TNS3: variants seen among roughly 807,000 people sequenced by gnomAD.
TNS3 encodes tensin 3, also known as tensin-3.
Under a neutral mutation model 140.9 loss-of-function variants are expected in TNS3, and 45 were observed. The ratio of observed to expected loss-of-function variants is 0.32; its 90% CI spans 0.25 to 0.41. TNS3 has a LOEUF of 0.41. Among genes scored for constraint, TNS3 ranks in the 10% least tolerant of loss-of-function variants. The pLI is 1.00. For synonymous variants in TNS3, 815 were observed against 788.4 expected, an observed-to-expected ratio of 1.03 and a Z score of -0.56; for missense variants, 1,716 against 1,906.7, an observed-to-expected ratio of 0.90 and a Z score of 1.86.
At chr7:47,280,265 A>T (rs1444342885) in intron 29 of TNS3, 21 bp downstream of exon 29, 4 of 1,614,066 alleles carry the variant, frequency 2.5e-6, no homozygotes, top group African/African-American at 2.7e-5. Context: ...TCCTTGCTCA[A>T]TAAAAATGCA....
chr7:47,320,762 T>C (rs565305373), intron 20 of TNS3, among the ~76,000 whole-genome samples: 2 of 152,272 alleles, frequency 1.3e-5, no homozygotes, highest in South Asian at 2.1e-4. Context: ...TCATTCAACA[T>C]AGGAATGTGC....
chr7:47,329,297 C>T (rs1788201422), intron 20 of TNS3, among the ~76,000 whole-genome samples: 1 of 152,222 alleles, frequency 6.6e-6, no homozygotes, highest in African/African-American at 2.4e-5. Flanking sequence ...TGTGTCACCC[C>T]TTCCCCTAGA....
At chr7:47,450,073 C>G (rs887383121) in intron 4 of TNS3, among the ~76,000 whole-genome samples, 1 of 152,198 alleles carries the variant, frequency 6.6e-6, no homozygotes. Flanking sequence ...AATAGCCACC[C>G]AGCACAGCAG....
chr7:47,372,549 G>C (rs750893816), intron 16 of TNS3, among the ~76,000 whole-genome samples: 1 of 152,128 alleles, frequency 6.6e-6, no homozygotes, highest in Non-Finnish European at 1.5e-5. Flanking sequence ...CCCTCTCCTG[G>C]GGGGAGGGTA....
intron 1 of TNS3, chr7:47,539,093 C>T (rs549546597): frequency 1.3e-4 from 58 of 456,674 alleles, no homozygotes; most frequent in Admixed American, 8.2e-4. Context: ...CCACAGGAAC[C>T]GGCCAAAGAA....
chr7:47,323,368 C>A (rs1787857950), intron 20 of TNS3, among the ~76,000 whole-genome samples: 1 of 152,092 alleles, frequency 6.6e-6, no homozygotes, highest in Admixed American at 6.5e-5. Flanking sequence ...CTATATCCTG[C>A]AGAAATACCA....
intron 20 of TNS3, 112 bp downstream of exon 20, chr7:47,344,643 T>C: frequency 9.0e-6 from 9 of 994,986 alleles, no homozygotes; most frequent in Non-Finnish European, 1.3e-5. Context: ...GCTTCTGAGA[T>C]ACGACACAAA....
chr7:47,321,484 G>A (rs530147717), intron 20 of TNS3, among the ~76,000 whole-genome samples: 2 of 152,258 alleles, frequency 1.3e-5, no homozygotes, highest in East Asian at 3.9e-4. Flanking sequence ...AGGGTGTGTC[G>A]GCATTTGGAG....
In TNS3 at chr7:47,407,144, G is replaced by A. The variant is rs986853037; in HGVS notation, c.723+4583C>T. Among the ~76,000 whole-genome samples the A allele has an allele frequency of 6.6e-6, 1 of 152,132 alleles. No individual in the cohort carries two copies. The highest frequency in any genetic ancestry group is 1.5e-5 in the Non-Finnish European group (1 of 68,024). On this transcript the variant is annotated intron_variant, in intron 13 of 30. Transcript: ENST00000311160. The surrounding 1 kb of genome is among the most constrained non-coding windows in gnomAD (Gnocchi z 4.1). ...AGGTCGTTTTCAGAGGGAGTCAACAGCACTGAGATTTCTGGGCTTTGGCAA... is the reference window on the plus strand; with the variant it reads ...AGGTCGTTTTCAGAGGGAGTCAACAACACTGAGATTTCTGGGCTTTGGCAA...
intron 17 of TNS3, among the ~76,000 whole-genome samples, chr7:47,367,753 C>A (rs983836101): frequency 6.6e-6 from 1 of 152,222 alleles, no homozygotes; most frequent in Non-Finnish European, 1.5e-5. Flanking sequence ...ACAGTAGAAC[C>A]CCTTGTGGAC....
At position 47,503,235 on chromosome 7, in the gene TNS3, T is replaced by C. The variant is rs1350495645; in HGVS notation, c.-115+3672A>G. Among the ~76,000 whole-genome samples, 6 of 152,106 alleles carry C rather than the reference T, an allele frequency of 3.9e-5. No homozygotes were observed. The East Asian group carries it at 9.6e-4, about 24-fold the overall frequency. On this transcript the variant is annotated intron_variant, in intron 3 of 30. Coordinates refer to ENST00000311160, the MANE Select transcript of TNS3 (RefSeq NM_022748.12). The stretch of plus-strand genomic sequence containing the variant: ...TCTAAGGAGCAAATGTGTCTGCAAG[T>C]GGGCAGAGGCGGAAGAGGCATCTCA...
At chr7:47,338,762 G>A (rs1005956022) in intron 20 of TNS3, among the ~76,000 whole-genome samples, 1 of 152,112 alleles carries the variant, frequency 6.6e-6, no homozygotes, top group Non-Finnish European at 1.5e-5. Context: ...CCTAGGTTGA[G>A]TCCAGGTCTT....
intron 1 of TNS3, among the ~76,000 whole-genome samples, chr7:47,551,759 G>A (rs1249534912): frequency 1.3e-5 from 2 of 152,230 alleles, no homozygotes; most frequent in African/African-American, 4.8e-5. Flanking sequence ...CTGTGCACAT[G>A]TGTGTTAGAT....
At chr7:47,389,111 GAAGAAGAAGAAGAAGAAGAAGAA>G (rs1792336361) in intron 16 of TNS3, among the ~76,000 whole-genome samples, 1 of 56,828 alleles carries the variant, frequency 1.8e-5, no homozygotes, top group African/African-American at 6.5e-5. Flanking sequence ...AGCGGAAGCA[GAAGAAGAAGAAGAAGAAGAAGAA>G]GAAGAAGAAG....
intron 7 of TNS3, among the ~76,000 whole-genome samples, chr7:47,435,615 T>C (rs1042723071): frequency 6.6e-6 from 1 of 152,198 alleles, no homozygotes; most frequent in African/African-American, 2.4e-5. Flanking sequence ...ATGCCTCTTC[T>C]TCCAGGGGCT....
At chr7:47,344,607 C>T (rs1414493594) in intron 20 of TNS3, 148 bp downstream of exon 20, 1 of 794,954 alleles carries the variant, frequency 1.3e-6, no homozygotes, top group Non-Finnish European at 2.0e-6. Context: ...CTACATCTTT[C>T]CCAGCAAGAT....
chr7:47,401,171 T>G (rs1399129232), intron 13 of TNS3, among the ~76,000 whole-genome samples: 1 of 152,176 alleles, frequency 6.6e-6, no homozygotes, highest in Non-Finnish European at 1.5e-5. Flanking sequence ...GTGCTGCTCC[T>G]GTGGAACCGC....
rs188110037 is a variant in TNS3, at chr7:47,546,220, G to A, written c.-264-17073C>T. ...TAAAGCGGATGATCAAATTGCAACCGACCTCAAAAGCTTCTAATGAGGCGC... is the reference window on the plus strand; with the variant it reads ...TAAAGCGGATGATCAAATTGCAACCAACCTCAAAAGCTTCTAATGAGGCGC... On this transcript the variant is annotated intron_variant, in intron 1 of 30. Transcript: ENST00000311160. Among the ~76,000 whole-genome samples, 23 of 152,302 alleles carry A rather than the reference G, an allele frequency of 1.5e-4. No individual in the cohort carries two copies. In the East Asian group the frequency reaches 2.9e-3, roughly 19 times the overall value.
chr7:47,335,554 G>A (rs1216836772), intron 20 of TNS3, among the ~76,000 whole-genome samples: 1 of 152,212 alleles, frequency 6.6e-6, no homozygotes, highest in East Asian at 1.9e-4. Flanking sequence ...GGAAAAGCAG[G>A]ATTCCCAGGG....
Sources: allele counts gnomAD v4.1 joint callset (sites outside exome capture counted in the v4.1 genomes callset), GRCh38; gene constraint gnomAD v4.1.1; non-coding constraint Gnocchi (gnomAD v3.1); transcripts MANE v1.5; gene names NCBI Gene and HGNC (gene_info 2026-07-23, HGNC 2026-07-21).